Variants in BCL7C observed in about 807,000 individuals in gnomAD.
BCL7C encodes the protein BAF chromatin remodeling complex subunit BCL7C, also known as B-cell CLL/lymphoma 7 protein family member C.
Under a neutral mutation model 26.2 loss-of-function variants are expected in BCL7C, and 8 were observed. That is an observed-to-expected ratio of 0.30 (90% confidence interval 0.18 to 0.55). The LOEUF is 0.55. BCL7C is among the 20% of genes least tolerant of loss of function. The pLI, the probability that BCL7C is intolerant of heterozygous loss-of-function variation, is 0.93. For missense variants in BCL7C, 262 were observed against 298.5 expected (o/e 0.88, Z 0.90); for synonymous variants, 90 against 116.5 (o/e 0.77, Z 1.47).
At chr16:30,846,162 A>C (rs1000661776) in intron 5 of BCL7C, among the ~76,000 whole-genome samples, 2 of 149,836 alleles carry the variant, frequency 1.3e-5, no homozygotes, top group Non-Finnish European at 3.0e-5. Context: ...AGTAGCTGGG[A>C]CCACAGGTTT....
intron 5 of BCL7C, among the ~76,000 whole-genome samples, chr16:30,881,987 CAG>C (rs1438662311): frequency 6.7e-6 from 1 of 150,266 alleles, no homozygotes; most frequent in Non-Finnish European, 1.5e-5. Context: ...TTTTTTGAGA[CAG>C]AATCTCACTC....
chr16:30,846,335 C>G (rs1038586435), intron 5 of BCL7C, among the ~76,000 whole-genome samples: 2 of 151,004 alleles, frequency 1.3e-5, no homozygotes, highest in East Asian at 2.0e-4. Flanking sequence ...AAGAGATTCT[C>G]CTGCTTCAGC....
In BCL7C at chr16:30,892,915, A is replaced by T. The variant is rs562072564; in HGVS notation, c.205T>A (p.Ser69Thr). ...CTGCCCCGACGTTCCCGGCCACGGG[A>T]TCTCTCTGCCCCGCCACCTGCCCGC... ...RRRAGGGAER[S>T]RGRERRGRGA... The change falls in exon 3 of 6, where the codon TCC becomes ACC. Residue 69 changes from serine to threonine, a missense_variant. Transcript: ENST00000215115. 4.3e-6 allele frequency: 7 copies of T among 1,612,882 alleles called. No individual in the cohort carries two copies. The African/African-American group carries it at 8.0e-5, about 18-fold the overall frequency.
rs2054557201 is a variant in BCL7C, at chr16:30,834,395, C to T, written c.*553G>A. ...ACATAAGCCCTGGCGTGCGGGGCGG[C>T]TTCTGCGCTGGGGTCTCTGCGCGTG... is the stretch of plus-strand genomic sequence containing the variant. On this transcript the variant is annotated 3_prime_UTR_variant, in exon 6 of 6. Transcript: ENST00000380317. This position sits in a 1 kb window ranked among gnomAD's most constrained non-coding sequence, Gnocchi z 4.3. 1 of 152,316 alleles carries T rather than the reference C, an allele frequency of 6.6e-6. No homozygotes were observed. Among genetic ancestry groups the T allele is most frequent in the Non-Finnish European group, 1.5e-5 (1 of 68,090 alleles). The allele number at this position is 152,316 out of a possible 1,614,324, so 9.4% of individuals were successfully genotyped here.
intron 5 of BCL7C, among the ~76,000 whole-genome samples, chr16:30,857,936 A>C (rs1437348797): frequency 6.7e-6 from 1 of 149,194 alleles, no homozygotes; most frequent in Non-Finnish European, 1.5e-5. Flanking sequence ...GTGCCATTGC[A>C]TTCCAGCCTG....
At chr16:30,875,114 C>T (rs1274029498) in intron 5 of BCL7C, 1 of 154,052 alleles carries the variant, frequency 6.5e-6, no homozygotes, top group African/African-American at 2.4e-5. Flanking sequence ...CCGCCCGCCC[C>T]CAGCTCGCCC....
chr16:30,835,064 C>A (rs1285891502), exon 6 of BCL7C: 5 of 1,548,014 alleles, frequency 3.2e-6, no homozygotes, highest in Non-Finnish European at 4.4e-6. Flanking sequence ...GTCCGGAGGC[C>A]CCTCCTGGGC....
rs1409945057 is a variant in BCL7C, at chr16:30,866,028, C to T, written c.528+22832G>A. 2.0e-5 allele frequency among the ~76,000 whole-genome samples: 3 copies of T among 151,934 alleles called. No homozygotes were observed. The East Asian group carries it at 5.8e-4, about 29-fold the overall frequency. The stretch of plus-strand genomic sequence containing the variant: ...GGTATTACAGGCGTGAGCCACCTCG[C>T]CCGGCCATATGGGTTTTATAACAAC... On this transcript the variant is annotated intron_variant, in intron 5 of 5. Coordinates refer to the BCL7C transcript ENST00000380317.
chr16:30,873,628 C>A (rs1371260970), intron 5 of BCL7C, among the ~76,000 whole-genome samples: 1 of 151,840 alleles, frequency 6.6e-6, no homozygotes, highest in Non-Finnish European at 1.5e-5. Flanking sequence ...GCAGGCAGAT[C>A]ACTTTTGAGC....
intron 5 of BCL7C, among the ~76,000 whole-genome samples, chr16:30,837,581 C>T: frequency 6.6e-6 from 1 of 152,110 alleles, no homozygotes; most frequent in Non-Finnish European, 1.5e-5. Flanking sequence ...CTCCTGACCT[C>T]AGGTGATCCA....
At chr16:30,844,348 CAAAAAAAAAAAAAAAA>C (rs55663737) in intron 5 of BCL7C, among the ~76,000 whole-genome samples, 1 of 73,404 alleles carries the variant, frequency 1.4e-5, no homozygotes, top group African/African-American at 5.8e-5. Context: ...GACTCCGTCT[CAAAAAAAAAAAAAAAA>C]AAAAAAAAAA....
chr16:30,845,114 G>C (rs1189363970), intron 5 of BCL7C, among the ~76,000 whole-genome samples: 1 of 152,052 alleles, frequency 6.6e-6, no homozygotes, highest in African/African-American at 2.4e-5. Context: ...ACCACATGCC[G>C]CCTTTGCTGT....
intron 5 of BCL7C, chr16:30,875,214 C>T (rs2054927720): frequency 6.5e-6 from 1 of 154,644 alleles, no homozygotes; most frequent in Non-Finnish European, 1.5e-5. Flanking sequence ...AGGGTCTGGC[C>T]TAGATGCGAG....
chr16:30,850,168 T>C (rs572409712), intron 5 of BCL7C, among the ~76,000 whole-genome samples: 52 of 135,174 alleles, frequency 3.8e-4, no homozygotes, highest in African/African-American at 1.5e-3. Context: ...CGAGATCGCA[T>C]CACTGCACTC....
intron 5 of BCL7C, among the ~76,000 whole-genome samples, chr16:30,874,332 G>C (rs570901503): frequency 6.6e-6 from 1 of 152,098 alleles, no homozygotes; most frequent in Non-Finnish European, 1.5e-5. Context: ...TTAATTAAAG[G>C]GTAGCCAGGT....
intron 5 of BCL7C, among the ~76,000 whole-genome samples, chr16:30,856,265 C>T (rs2054720871): frequency 1.3e-5 from 2 of 151,340 alleles, no homozygotes; most frequent in African/African-American, 4.9e-5. Flanking sequence ...CACAGTGAAA[C>T]CCCGTCTCTA....
chr16:30,835,230 G>T, intron 5 of BCL7C: 1 of 1,282,996 alleles, frequency 7.8e-7, no homozygotes, highest in African/African-American at 1.5e-5. Flanking sequence ...TCCCATTTAT[G>T]ACTTCCAAAT....
chr16:30,847,814 A>T (rs1008920099), intron 5 of BCL7C, among the ~76,000 whole-genome samples: 3 of 152,020 alleles, frequency 2.0e-5, no homozygotes, highest in Non-Finnish European at 4.4e-5. Context: ...ACAAAAACAA[A>T]AACAAAAAAA....
chr16:30,892,066 A>G (rs1405783392), intron 4 of BCL7C, among the ~76,000 whole-genome samples: 1 of 152,002 alleles, frequency 6.6e-6, no homozygotes, highest in Non-Finnish European at 1.5e-5. Context: ...AGTGAGTTTG[A>G]GACCAGCCTG....
Sources: allele counts gnomAD v4.1 joint callset (sites outside exome capture counted in the v4.1 genomes callset), GRCh38; gene constraint gnomAD v4.1.1; non-coding constraint Gnocchi (gnomAD v3.1); transcripts MANE v1.5; gene names NCBI Gene and HGNC (gene_info 2026-07-23, HGNC 2026-07-21).